Variants in LRRC8B observed in about 807,000 individuals in gnomAD.
LRRC8B encodes volume-regulated anion channel subunit LRRC8B.
Under a neutral mutation model 58.8 loss-of-function variants are expected in LRRC8B, and 23 were observed. The ratio of observed to expected loss-of-function variants is 0.39; its 90% CI spans 0.28 to 0.55. The LOEUF is 0.55. LRRC8B is among the 20% of genes least tolerant of loss of function. The probability of loss-of-function intolerance (pLI) is 0.62; values close to 1 mark genes in which losing one functional copy is unlikely to be tolerated. For synonymous variants in LRRC8B, 359 were observed against 374.1 expected (o/e 0.96, Z 0.47); for missense variants, 694 against 936.0 (o/e 0.74, Z 3.37).
At chr1:89,555,250 G>A (rs1652097771) in intron 1 of LRRC8B, among the ~76,000 whole-genome samples, 1 of 152,156 alleles carries the variant, frequency 6.6e-6, no homozygotes, top group Admixed American at 6.6e-5. Context: ...AGAGTGCCCA[G>A]AGCTGCCCTA....
At chr1:89,538,966 C>T (rs1458383612) in intron 1 of LRRC8B, among the ~76,000 whole-genome samples, 1 of 152,192 alleles carries the variant, frequency 6.6e-6, no homozygotes, top group African/African-American at 2.4e-5. Flanking sequence ...AGGTGATCCA[C>T]CCATCTTGGC....
At chr1:89,548,730 T>A (rs1651591642) in intron 1 of LRRC8B, among the ~76,000 whole-genome samples, 1 of 152,020 alleles carries the variant, frequency 6.6e-6, no homozygotes, top group African/African-American at 2.4e-5. Context: ...AGGAGAAAGA[T>A]CATTATAACT....
At chr1:89,540,250 A>G (rs1457178862) in intron 1 of LRRC8B, among the ~76,000 whole-genome samples, 2 of 152,254 alleles carry the variant, frequency 1.3e-5, no homozygotes, top group Non-Finnish European at 2.9e-5. Flanking sequence ...AAGTTGTGAT[A>G]CATGAATCAA....
chr1:89,529,117 G>C (rs359923), intron 1 of LRRC8B, among the ~76,000 whole-genome samples: 5,229 of 152,214 alleles, frequency 0.034, 310 homozygotes, highest in African/African-American at 0.12. Context: ...TTTCTCACAG[G>C]AGTCTTAGGA....
intron 5 of LRRC8B, among the ~76,000 whole-genome samples, chr1:89,586,377 A>G (rs1485702872): frequency 2.0e-5 from 3 of 152,250 alleles, no homozygotes; most frequent in Non-Finnish European, 2.9e-5. Flanking sequence ...CCATTGTTAA[A>G]TTTATAATAA....
intron 1 of LRRC8B, among the ~76,000 whole-genome samples, chr1:89,559,358 C>G (rs1399647810): frequency 6.6e-6 from 1 of 151,970 alleles, no homozygotes; most frequent in Non-Finnish European, 1.5e-5. Flanking sequence ...AAAATTAGTA[C>G]TTCCTGCCGG....
chr1:89,544,250 C>G (rs970606772), intron 1 of LRRC8B, among the ~76,000 whole-genome samples: 8 of 152,070 alleles, frequency 5.3e-5, no homozygotes, highest in Admixed American at 5.2e-4. Flanking sequence ...TTGTTTTCCT[C>G]TCTAGTAACA....
chr1:89,556,368 A>T (rs60567741), intron 1 of LRRC8B, among the ~76,000 whole-genome samples: 2 of 152,126 alleles, frequency 1.3e-5, no homozygotes, highest in East Asian at 3.9e-4. Flanking sequence ...CAATAAAGGT[A>T]AGTAAAGTGT....
At chr1:89,575,321 A>G (rs1653762203) in intron 3 of LRRC8B, among the ~76,000 whole-genome samples, 1 of 152,104 alleles carries the variant, frequency 6.6e-6, no homozygotes, top group Non-Finnish European at 1.5e-5. Context: ...TGTAGCTTTC[A>G]CTTTTATGCT....
At chr1:89,549,966 C>A (rs908931865) in intron 1 of LRRC8B, 1 of 152,078 alleles carries the variant, frequency 6.6e-6, no homozygotes, top group Non-Finnish European at 1.5e-5. Context: ...CCTGGATGGC[C>A]CACAGGTACT....
intron 1 of LRRC8B, among the ~76,000 whole-genome samples, chr1:89,563,135 T>C (rs909176235): frequency 3.9e-5 from 6 of 152,214 alleles, no homozygotes; most frequent in Admixed American, 2.6e-4. Flanking sequence ...AGAACAGTTT[T>C]CCTGTTTTAC....
In LRRC8B at chr1:89,595,758, G is replaced by A. The variant is rs1189332776; in HGVS notation, c.*2715G>A. ...TACTACTTCACATAAAAAATAGGGT[G>A]TTAATACCACCTTTACTGTACTGTT... On this transcript the variant is annotated 3_prime_UTR_variant, in exon 6 of 6. Coordinates refer to ENST00000330947, the MANE Select transcript of LRRC8B (RefSeq NM_001369817.2). 6.6e-6 allele frequency: 1 copy of A among 152,062 alleles called. No individual in the cohort carries two copies. The highest frequency in any genetic ancestry group is 2.4e-5 in the African/African-American group (1 of 41,418). The allele number at this position is 152,062 out of a possible 1,614,324, so 9.4% of individuals were successfully genotyped here.
chr1:89,526,352 C>T (rs1272060150), intron 1 of LRRC8B, among the ~76,000 whole-genome samples: 1 of 152,164 alleles, frequency 6.6e-6, no homozygotes, highest in Non-Finnish European at 1.5e-5. Context: ...GTAGCGGGGA[C>T]TACAGGGGCC....
intron 4 of LRRC8B, 87 bp from the exon 5 acceptor site, chr1:89,582,538 A>AAGG: frequency 1.3e-6 from 1 of 753,200 alleles, no homozygotes; most frequent in South Asian, 1.8e-5. Context: ...CCTACTTGGG[A>AAGG]AGGAGGGCAT....
At position 89,584,710 on chromosome 1, in the gene LRRC8B, G is replaced by C; in HGVS notation, c.2060G>C (p.Ser687Thr). ...LCTKLHYLDL[S>T]YNHLTFIPEE... is the part of the protein sequence containing the mutation. Reference sequence around the variant, plus strand: ...ACTAAACTACATTATTTGGATCTAAGCTATAACCACTTGACCTTCATTCCA... The same window carrying C: ...ACTAAACTACATTATTTGGATCTAACCTATAACCACTTGACCTTCATTCCA... The change falls in exon 5 of 6, where the codon AGC becomes ACC. Residue 687 changes from serine (S) to threonine (T), a missense_variant. Physicochemically the swap from Ser to Thr is moderately conservative, Grantham distance 58. Around this residue, in one of 5 missense-constraint regions of LRRC8B, gnomAD observed 139 missense variants for 158.2 expected, o/e 0.88. Coordinates refer to ENST00000330947, the MANE Select transcript of LRRC8B (RefSeq NM_001369817.2). 1 of 1,613,870 alleles carries C rather than the reference G, an allele frequency of 6.2e-7. No individual in the cohort carries two copies.
Position 89,593,906 on chromosome 1 carries a change from C to G in LRRC8B, c.*863C>G, listed in dbSNP as rs1655153270. 6.6e-6 allele frequency: 1 copy of G among 152,140 alleles called. No individual in the cohort carries two copies. The highest frequency in any genetic ancestry group is 1.5e-5 in the Non-Finnish European group (1 of 68,028). 9.4% of individuals were successfully genotyped at this position (152,140 alleles called of 1,614,324 possible). ...ACTTCCTTTCCCAGCTTGCTTGAGT[C>G]TTCCTTAACCTGGTTTTCTCTTAAC... On this transcript the variant is annotated 3_prime_UTR_variant, in exon 6 of 6. Coordinates refer to ENST00000330947, the MANE Select transcript of LRRC8B (RefSeq NM_001369817.2).
At chr1:89,529,830 T>C (rs919174082) in intron 1 of LRRC8B, among the ~76,000 whole-genome samples, 15 of 152,172 alleles carry the variant, frequency 9.9e-5, no homozygotes, top group African/African-American at 9.7e-5. Context: ...TCTCAGAAGC[T>C]AAACCTTACC....
intron 1 of LRRC8B, among the ~76,000 whole-genome samples, chr1:89,547,233 CT>C (rs11288557): frequency 0.99 from 145,685 of 146,534 alleles, 72,419 homozygotes; most frequent in East Asian, 1. Flanking sequence ...AACCAGGGTC[CT>C]TTTTTTTTTT....
intron 1 of LRRC8B, among the ~76,000 whole-genome samples, chr1:89,536,526 C>T (rs359929): frequency 0.21 from 32,058 of 152,138 alleles, 3,774 homozygotes; most frequent in South Asian, 0.3. Flanking sequence ...TAATATGTGT[C>T]AGGCACTGTT....
Sources: allele counts gnomAD v4.1 joint callset (sites outside exome capture counted in the v4.1 genomes callset), GRCh38; gene constraint gnomAD v4.1.1; regional missense constraint gnomAD v4.1.1; transcripts MANE v1.5; gene names NCBI Gene and HGNC (gene_info 2026-07-23, HGNC 2026-07-21).